Variants in SPATA31H1 observed in about 807,000 individuals in gnomAD.
The protein encoded by SPATA31H1 is spermatogenesis-associated protein 31H1.
chr2:27,577,107 G>T, the SPATA31H1 span: 13 of 1,614,050 alleles, frequency 8.1e-6, no homozygotes, highest in East Asian at 2.9e-4. The surrounding 1 kb of genome is among the most constrained non-coding windows in gnomAD (Gnocchi z 4.5). Flanking sequence ...AGAGAAATCT[G>T]TGGGGTTGAC....
At chr2:27,582,177 G>C in the SPATA31H1 span, 1 of 1,610,566 alleles carries the variant, frequency 6.2e-7, no homozygotes. Context: ...TGAGAGGAGA[G>C]GACACAGTTC....
At chr2:27,563,248 A>G in the SPATA31H1 span, among the ~76,000 whole-genome samples, 3 of 151,990 alleles carry the variant, frequency 2.0e-5, no homozygotes, top group Admixed American at 1.3e-4. Context: ...CATACTTACT[A>G]TCTACTCAAA....
chr2:27,542,298 G>C, the SPATA31H1 span, among the ~76,000 whole-genome samples: 2 of 151,884 alleles, frequency 1.3e-5, no homozygotes. Flanking sequence ...TCAGGAGGCT[G>C]AGGCAGGAGA....
At chr2:27,579,477 C>A in the SPATA31H1 span, 1 of 1,614,114 alleles carries the variant, frequency 6.2e-7, no homozygotes, top group South Asian at 1.1e-5. Flanking sequence ...TTATCATGGT[C>A]ATAAGAAAAG....
chr2:27,571,685 C>A, the SPATA31H1 span: 1 of 398,358 alleles, frequency 2.5e-6, no homozygotes, highest in Non-Finnish European at 4.4e-6. Flanking sequence ...AAGAACTGAC[C>A]TCAGTCCCAC....
chr2:27,577,903 G>C, the SPATA31H1 span: 6 of 1,614,120 alleles, frequency 3.7e-6, no homozygotes, highest in Non-Finnish European at 5.1e-6. This position sits in a 1 kb window ranked among gnomAD's most constrained non-coding sequence, Gnocchi z 4.5. Context: ...CGGCAGCACA[G>C]GGAGGTATCA....
chr2:27,537,791 G>A, the SPATA31H1 span, among the ~76,000 whole-genome samples: 2 of 152,266 alleles, frequency 1.3e-5, no homozygotes, highest in East Asian at 3.9e-4. Flanking sequence ...AGGTGAAGTG[G>A]GGGAGATGGA....
At chr2:27,566,941 G>A in the SPATA31H1 span, 5 of 717,362 alleles carry the variant, frequency 7.0e-6, no homozygotes, top group South Asian at 7.4e-5. Context: ...GGAACAACTT[G>A]GGAATTCCGG....
At chr2:27,545,412 G>T in the SPATA31H1 span, among the ~76,000 whole-genome samples, 3 of 151,868 alleles carry the variant, frequency 2.0e-5, no homozygotes, top group African/African-American at 7.3e-5. Flanking sequence ...TTGTTGGTGG[G>T]TTTCTTATCT....
At chr2:27,553,182 A>G in the SPATA31H1 span, among the ~76,000 whole-genome samples, 36 of 152,206 alleles carry the variant, frequency 2.4e-4, no homozygotes, top group Middle Eastern at 3.4e-3. Context: ...AAGTGAGGCA[A>G]TGGTCCCTCT....
chr2:27,538,668 C>G, the SPATA31H1 span, among the ~76,000 whole-genome samples: 1 of 151,832 alleles, frequency 6.6e-6, no homozygotes, highest in Non-Finnish European at 1.5e-5. Context: ...CCCGTCTCTA[C>G]TAAAAATACT....
chr2:27,550,714 T>C, the SPATA31H1 span, among the ~76,000 whole-genome samples: 1 of 151,778 alleles, frequency 6.6e-6, no homozygotes, highest in Non-Finnish European at 1.5e-5. Context: ...TCACTGCGCC[T>C]GGCTGGGTGA....
the SPATA31H1 span, chr2:27,582,164 C>T: frequency 6.2e-7 from 1 of 1,614,130 alleles, no homozygotes; most frequent in Admixed American, 1.7e-5. Context: ...GTTGCAGTCC[C>T]TCTGAGAGGA....
chr2:27,547,910 A>T, the SPATA31H1 span, among the ~76,000 whole-genome samples: 1 of 151,810 alleles, frequency 6.6e-6, no homozygotes, highest in Non-Finnish European at 1.5e-5. Context: ...GTATATCTAA[A>T]ACATAAGAAC....
chr2:27,559,860 AT>A, the SPATA31H1 span, among the ~76,000 whole-genome samples: 21 of 151,314 alleles, frequency 1.4e-4, no homozygotes, highest in East Asian at 1.9e-4. Context: ...TATTTTATTT[AT>A]TTTTTTTCTT....
chr2:27,542,448 C>T, the SPATA31H1 span, among the ~76,000 whole-genome samples: 2,912 of 151,988 alleles, frequency 0.019, 134 homozygotes, highest in African/African-American at 0.067. Context: ...GAAGTAGCTA[C>T]GTTTCAAGTG....
the SPATA31H1 span, among the ~76,000 whole-genome samples, chr2:27,543,181 G>A: frequency 6.6e-6 from 1 of 152,008 alleles, no homozygotes; most frequent in Non-Finnish European, 1.5e-5. Flanking sequence ...CAAAATTTCT[G>A]TGTACTCTAT....
the SPATA31H1 span, among the ~76,000 whole-genome samples, chr2:27,555,392 C>CA: frequency 1.3e-5 from 2 of 151,864 alleles, no homozygotes; most frequent in Non-Finnish European, 2.9e-5. Context: ...AGTCTAAGAG[C>CA]CATGTGCTAT....
At chr2:27,569,645 T>C in the SPATA31H1 span, 77 of 398,662 alleles carry the variant, frequency 1.9e-4, no homozygotes, top group Non-Finnish European at 3.3e-4. Flanking sequence ...AGTTGCAAGA[T>C]ATGAAACACA....
Sources: gnomAD v4.1 joint callset for allele counts (sites outside exome capture counted in the v4.1 genomes callset) on GRCh38, gnomAD v4.1.1 for gene constraint, Gnocchi (gnomAD v3.1) non-coding constraint, MANE v1.5 for transcripts, NCBI Gene and HGNC (gene_info 2026-07-23, HGNC 2026-07-21) for gene names.